Variants in C4orf51 observed in about 807,000 individuals in gnomAD.
C4orf51 encodes the protein uncharacterized protein C4orf51.
A neutral mutation model predicts 25.2 loss-of-function variants in C4orf51; 25 were observed. The ratio of observed to expected loss-of-function variants is 0.99; its 90% CI spans 0.72 to 1.39. The LOEUF (loss-of-function observed/expected upper bound fraction) is 1.39, where lower values mean the gene tolerates loss of function less well. C4orf51 is among the 40% of genes most tolerant of loss of function. The pLI is 0.00. For synonymous variants in C4orf51, 100 were observed against 84.5 expected (o/e 1.18, Z -1.01); for missense variants, 252 against 239.6 (o/e 1.05, Z -0.34).
the C4orf51 span, chr4:145,779,321 AG>A: frequency 6.3e-7 from 1 of 1,583,140 alleles, no homozygotes; most frequent in Non-Finnish European, 8.6e-7. Flanking sequence ...CGGAGAGTAA[AG>A]AAGTTGGTGA....
At chr4:145,779,603 T>G in the C4orf51 span, 1 of 1,499,052 alleles carries the variant, frequency 6.7e-7, no homozygotes, top group Non-Finnish European at 9.0e-7. Flanking sequence ...GAGCCTTCTC[T>G]CTGAAGAATG....
chr4:145,761,603 C>A lies in C4orf51; in HGVS notation n.167-9385C>A, dbSNP rs1465131838. On this transcript the variant is annotated intron_variant and non_coding_transcript_variant, in intron 1 of 1. Transcript: ENST00000510096. This position sits in a 1 kb window ranked among gnomAD's most constrained non-coding sequence, Gnocchi z 6.8. ...GAATAAATGCAGAATGGGCACCTGCCGGGGAAAGCAACGCAAGGGAGGTTC... is the reference window on the plus strand; with the variant it reads ...GAATAAATGCAGAATGGGCACCTGCAGGGGAAAGCAACGCAAGGGAGGTTC... 3 of 1,249,232 alleles carry A rather than the reference C, an allele frequency of 2.4e-6. No individual in the cohort carries two copies. The East Asian group carries it at 1.7e-4, about 71-fold the overall frequency. 77.4% of individuals were successfully genotyped at this position (1,249,232 alleles called of 1,614,324 possible). A position where few individuals can be genotyped will look rare whatever the true frequency, so the allele number is the denominator to read the frequency against.
intron 1 of C4orf51, among the ~76,000 whole-genome samples, chr4:145,768,258 G>A (rs775059941): frequency 8.5e-5 from 13 of 152,076 alleles, no homozygotes; most frequent in South Asian, 2.1e-4. Context: ...TCCACCTCCC[G>A]GGTTCAAGCA....
chr4:145,699,689 A>G (rs1443901517), intron 2 of C4orf51, among the ~76,000 whole-genome samples: 9 of 152,204 alleles, frequency 5.9e-5, no homozygotes, highest in Admixed American at 5.9e-4. Flanking sequence ...GTGTCAGACC[A>G]CGCAGGGAAG....
downstream of C4orf51, among the ~76,000 whole-genome samples, chr4:145,734,497 G>T (rs574941522): frequency 4.6e-4 from 70 of 152,200 alleles, no homozygotes; most frequent in African/African-American, 1.6e-3. Flanking sequence ...TTCATTAGTG[G>T]CACATCCTGA....
the C4orf51 span, among the ~76,000 whole-genome samples, chr4:145,778,580 C>G: frequency 1.3e-5 from 2 of 152,068 alleles, no homozygotes; most frequent in East Asian, 3.9e-4. Context: ...CCACTGCACT[C>G]CAGTCTGGGT....
At chr4:145,730,325 T>C (rs946656109) in intron 5 of C4orf51, among the ~76,000 whole-genome samples, 1 of 152,186 alleles carries the variant, frequency 6.6e-6, no homozygotes, top group Non-Finnish European at 1.5e-5. Flanking sequence ...CCCTGCCGCA[T>C]ATCCACCCTG....
chr4:145,742,633 G>A (rs1288096188), intron 1 of C4orf51, among the ~76,000 whole-genome samples: 6 of 142,380 alleles, frequency 4.2e-5, no homozygotes, highest in Admixed American at 2.3e-4. Context: ...TCCACTTCCC[G>A]GGTTCAAGCA....
At chr4:145,739,136 C>T (rs1311305409) in intron 1 of C4orf51, among the ~76,000 whole-genome samples, 5 of 152,274 alleles carry the variant, frequency 3.3e-5, no homozygotes, top group African/African-American at 1.2e-4. Context: ...CATTTGTCAT[C>T]GACCTACCTA....
chr4:145,689,414 T>C (rs1205212353), intron 1 of C4orf51, among the ~76,000 whole-genome samples: 2 of 152,072 alleles, frequency 1.3e-5, no homozygotes, highest in Admixed American at 6.6e-5. Flanking sequence ...TATGTATCTA[T>C]ATACATATAT....
chr4:145,747,319 C>T (rs1733422306), intron 1 of C4orf51, among the ~76,000 whole-genome samples: 1 of 151,180 alleles, frequency 6.6e-6, no homozygotes, highest in African/African-American at 2.4e-5. Context: ...CAGTATGATA[C>T]TAGCTGTGGA....
At position 145,726,968 on chromosome 4, in the gene C4orf51, T is replaced by A. The variant is rs1330880627; in HGVS notation, c.365T>A (p.Val122Glu). The A allele has an allele frequency of 6.2e-7, 1 of 1,611,872 alleles. No homozygotes were observed. Among genetic ancestry groups the A allele is most frequent in the Non-Finnish European group, 8.5e-7 (1 of 1,178,158 alleles). ...AAGTCATTTGATGTCAAGCATGGAG[T>A]GGTAAGCCCAACATTTCTCAGCAAT... ...FKKSFDVKHGVAHQIWDFGDC... is the reference protein window; with the variant it reads ...FKKSFDVKHGEAHQIWDFGDC... The change falls in exon 3 of 6, where the codon GTG becomes GAG. Residue 122 changes from valine to glutamate, a missense_variant and splice_region_variant. Physicochemically the swap from Val to Glu is moderately radical, Grantham distance 121 (BLOSUM62 -2). Coordinates refer to ENST00000438731, the MANE Select transcript of C4orf51 (RefSeq NM_001080531.3).
At chr4:145,745,106 A>G (rs1039360276) in intron 1 of C4orf51, among the ~76,000 whole-genome samples, 10 of 152,332 alleles carry the variant, frequency 6.6e-5, no homozygotes, top group African/African-American at 2.4e-4. Context: ...CATAGTAGGT[A>G]TATATACTTA....
intron 1 of C4orf51, among the ~76,000 whole-genome samples, chr4:145,743,099 G>A (rs1300231965): frequency 6.6e-6 from 1 of 152,180 alleles, no homozygotes; most frequent in Non-Finnish European, 1.5e-5. Flanking sequence ...CCTTACTGGA[G>A]TAAGAAATAC....
rs1251612064 is a variant in C4orf51 at position 145,693,716 on chromosome 4, AC to A, written c.234-2836del. Among the ~76,000 whole-genome samples the A allele has an allele frequency of 2.9e-5, 2 of 69,750 alleles. 1 individual carries two copies. 45.8% of individuals were successfully genotyped at this position (69,750 alleles called of 152,430 possible). Reference sequence around the variant, plus strand: ...GGGCGGCTGGCCGGACGGGGGGCTGACCCCCCCACCTCCCTCCCGGACGGGG... The same window carrying A: ...GGGCGGCTGGCCGGACGGGGGGCTGACCCCCCACCTCCCTCCCGGACGGGG... On this transcript the variant is annotated intron_variant, in intron 1 of 5. Transcript: ENST00000438731.
chr4:145,747,264 T>C (rs1471538749), intron 1 of C4orf51, among the ~76,000 whole-genome samples: 1 of 152,166 alleles, frequency 6.6e-6, no homozygotes, highest in Non-Finnish European at 1.5e-5. Context: ...GGCATCTTTG[T>C]TGTGTTCCAT....
At chr4:145,720,023 A>C (rs1731645027) in intron 2 of C4orf51, among the ~76,000 whole-genome samples, 1 of 152,022 alleles carries the variant, frequency 6.6e-6, no homozygotes, top group East Asian at 1.9e-4. Flanking sequence ...CATGCCTCAG[A>C]GGTGTGCCCC....
intron 2 of C4orf51, among the ~76,000 whole-genome samples, chr4:145,722,914 G>A (rs1268818431): frequency 6.6e-6 from 1 of 152,162 alleles, no homozygotes; most frequent in African/African-American, 2.4e-5. Flanking sequence ...TCTAATGCCT[G>A]ATGATCTGTC....
At chr4:145,788,920 C>T in the C4orf51 span, among the ~76,000 whole-genome samples, 1 of 152,196 alleles carries the variant, frequency 6.6e-6, no homozygotes, top group Non-Finnish European at 1.5e-5. Flanking sequence ...TCTAACAGAA[C>T]TATGTGGGTT....
Sources: gnomAD v4.1 joint callset for allele counts (sites outside exome capture counted in the v4.1 genomes callset) on GRCh38, gnomAD v4.1.1 for gene constraint, Gnocchi (gnomAD v3.1) non-coding constraint, MANE v1.5 for transcripts, NCBI Gene and HGNC (gene_info 2026-07-23, HGNC 2026-07-21) for gene names.